The following ATXN2 variants were observed in gnomAD, a reference collection of about 807,000 sequenced individuals.
ATXN2 encodes ataxin 2, also known as ataxin-2.
A neutral mutation model predicts 138.6 loss-of-function variants in ATXN2; 37 were observed. That is an observed-to-expected ratio of 0.27 (90% confidence interval 0.21 to 0.35). The LOEUF (loss-of-function observed/expected upper bound fraction) is 0.35, where lower values mean the gene tolerates loss of function less well. Ranked by LOEUF, ATXN2 falls within the 10% of genes least tolerant of loss-of-function variation. ATXN2 has a pLI of 1.00. For missense variants in ATXN2, 1,216 were observed against 1,480.3 expected, an observed-to-expected ratio of 0.82 and a Z score of 2.93; for synonymous variants, 549 against 543.7, an observed-to-expected ratio of 1.01 and a Z score of -0.13.
At chr12:111,520,190 AC>A (rs1156860191) in intron 7 of ATXN2, 114 bp from the exon 8 acceptor site, 6 of 1,163,416 alleles carry the variant, frequency 5.2e-6, no homozygotes, top group Non-Finnish European at 7.1e-6. Context: ...AAAAACAGAA[AC>A]TAAAACTAAA....
At chr12:111,532,283 C>T (rs940794608) in intron 5 of ATXN2, among the ~76,000 whole-genome samples, 1 of 152,050 alleles carries the variant, frequency 6.6e-6, no homozygotes, top group Non-Finnish European at 1.5e-5. Flanking sequence ...AGTTGGTGAC[C>T]AGCCTGGCCA....
intron 18 of ATXN2, among the ~76,000 whole-genome samples, chr12:111,479,968 G>A (rs1454348027): frequency 1.6e-5 from 2 of 126,342 alleles, no homozygotes; most frequent in African/African-American, 6.0e-5. Context: ...GCAATATAAT[G>A]AGACGTCTCC....
chr12:111,457,539 G>C, intron 21 of ATXN2, 180 bp from the exon 22 acceptor site: 1 of 620,948 alleles, frequency 1.6e-6, no homozygotes, highest in Non-Finnish European at 2.6e-6. Context: ...TGTAGCTATT[G>C]CTTAACAGAC....
intron 18 of ATXN2, among the ~76,000 whole-genome samples, chr12:111,484,688 G>A (rs369576865): frequency 4.9e-4 from 75 of 151,764 alleles, no homozygotes; most frequent in Middle Eastern, 3.4e-3. Flanking sequence ...CACCCACCTC[G>A]GCCTCCCAAA....
chr12:111,461,096 C>T (rs1875545008), intron 21 of ATXN2: 2 of 152,110 alleles, frequency 1.3e-5, no homozygotes, highest in African/African-American at 4.8e-5. Context: ...GAAATATTTC[C>T]CTTTGTTTTT....
intron 1 of ATXN2, among the ~76,000 whole-genome samples, chr12:111,576,937 G>A (rs998871695): frequency 6.6e-5 from 10 of 151,750 alleles, no homozygotes; most frequent in Non-Finnish European, 1.3e-4. Flanking sequence ...CAGCCTGGGC[G>A]ACAGAGCGAG....
rs145765175 is a variant in ATXN2 at position 111,536,564 on chromosome 12, C to T, written c.572-11248G>A. Reference sequence around the variant, plus strand: ...GTAGGATTGTAAAATGATACAGCCACTATGCCCAGGAAATCAGCCTGTGCA... The same window carrying T: ...GTAGGATTGTAAAATGATACAGCCATTATGCCCAGGAAATCAGCCTGTGCA... On this transcript the variant is annotated intron_variant, in intron 5 of 24. Coordinates refer to ENST00000673436, the MANE Select transcript of ATXN2 (RefSeq NM_001372574.1). 4.5e-4 allele frequency among the ~76,000 whole-genome samples: 69 copies of T among 152,196 alleles called. No homozygotes were observed. The East Asian group carries it at 0.011, about 24-fold the overall frequency.
Position 111,598,949 on chromosome 12 carries a change from G to GGCTGCGGCGGCTGCTGCTGCTGCTGCT in ATXN2, c.85_86insAGCAGCAGCAGCAGCAGCCGCCGCAGC (p.Gln28_Pro29insGlnGlnGlnGlnGlnGlnProProGln). On this transcript the variant is annotated inframe_insertion, in exon 1 of 25. Transcript: ENST00000673436. This position sits in a 1 kb window ranked among gnomAD's most constrained non-coding sequence, Gnocchi z 4.5. The stretch of plus-strand genomic sequence containing the variant: ...GCGGACATTGGCAGCCGCGGGCGGC[G>GGCTGCGGCGGCTGCTGCTGCTGCTGCT]GCTGCTGCTGCTGCTGCTGCTGCTG... 8.2e-7 allele frequency: 1 copy of GGCTGCGGCGGCTGCTGCTGCTGCTGCT among 1,225,894 alleles called. No homozygotes were observed. Among genetic ancestry groups the GGCTGCGGCGGCTGCTGCTGCTGCTGCT allele is most frequent in the East Asian group, 3.4e-5 (1 of 29,744 alleles). The allele number at this position is 1,225,894 out of a possible 1,614,324, so 75.9% of individuals were successfully genotyped here. A position where few individuals can be genotyped will look rare whatever the true frequency, so the allele number is the denominator to read the frequency against.
chr12:111,479,163 T>C, intron 18 of ATXN2: 1 of 387,518 alleles, frequency 2.6e-6, no homozygotes. Context: ...TCATTCATAA[T>C]AGCCAAAAGC....
intron 1 of ATXN2, among the ~76,000 whole-genome samples, chr12:111,584,031 GT>G (rs1409847374): frequency 2.6e-5 from 4 of 151,484 alleles, no homozygotes; most frequent in African/African-American, 9.7e-5. Flanking sequence ...CTTTTACTGC[GT>G]TTCTCTGGCT....
intron 21 of ATXN2, among the ~76,000 whole-genome samples, chr12:111,462,023 G>T (rs1472766754): frequency 6.6e-6 from 1 of 151,916 alleles, no homozygotes; most frequent in Non-Finnish European, 1.5e-5. Context: ...AGTGGGTTCT[G>T]ACCCACACAT....
chr12:111,455,320 G>A (rs1240713684), intron 23 of ATXN2: 4 of 541,574 alleles, frequency 7.4e-6, no homozygotes, highest in African/African-American at 3.8e-5. Flanking sequence ...GCCCTGGAGT[G>A]CAGGGACCTT....
intron 1 of ATXN2, among the ~76,000 whole-genome samples, chr12:111,590,846 T>G (rs1219622973): frequency 1.3e-5 from 2 of 152,130 alleles, no homozygotes; most frequent in South Asian, 4.1e-4. Context: ...GTAGGTTGTA[T>G]GCTCTTTATG....
At chr12:111,485,161 CA>C (rs1877547679) in intron 18 of ATXN2, 103 bp downstream of exon 18, 17 of 1,091,718 alleles carry the variant, frequency 1.6e-5, no homozygotes, top group Non-Finnish European at 1.9e-5. Flanking sequence ...ATAGCCTCAT[CA>C]AAAAGTCAGA....
chr12:111,514,141 A>G (rs1398236432), intron 10 of ATXN2, among the ~76,000 whole-genome samples: 2 of 152,218 alleles, frequency 1.3e-5, no homozygotes, highest in Non-Finnish European at 2.9e-5. Flanking sequence ...TAAAACAGTA[A>G]GCAGTAACCT....
intron 1 of ATXN2, among the ~76,000 whole-genome samples, chr12:111,571,444 G>C (rs1883307884): frequency 6.6e-6 from 1 of 151,916 alleles, no homozygotes; most frequent in African/African-American, 2.4e-5. Flanking sequence ...TTAATTATTA[G>C]AATTAGTTTC....
At chr12:111,531,366 AG>A (rs1184478750) in intron 5 of ATXN2, among the ~76,000 whole-genome samples, 1 of 152,206 alleles carries the variant, frequency 6.6e-6, no homozygotes, top group Middle Eastern at 3.2e-3. Flanking sequence ...AGGGAGGCGG[AG>A]GTTGTAGTGA....
Position 111,453,561 on chromosome 12 carries a change from C to T in ATXN2, c.3439+116G>A, listed in dbSNP as rs1593088191. Reference sequence around the variant, plus strand: ...AGTCCCTCCTGTGCACACTCCTGGACGGGTCTTGCTAGTTCTCAAATGCGG... The same window carrying T: ...AGTCCCTCCTGTGCACACTCCTGGATGGGTCTTGCTAGTTCTCAAATGCGG... On this transcript the variant is annotated intron_variant, in intron 24 of 24. Transcript: ENST00000673436. This position sits in a 1 kb window ranked among gnomAD's most constrained non-coding sequence, Gnocchi z 5.4. The T allele has an allele frequency of 1.4e-6, 2 of 1,441,524 alleles. No homozygotes were observed. The highest frequency in any genetic ancestry group is 1.5e-5 in the South Asian group (1 of 67,166). 89.3% of individuals were successfully genotyped at this position (1,441,524 alleles called of 1,614,324 possible).
chr12:111,547,709 G>C (rs1027795327), intron 5 of ATXN2, among the ~76,000 whole-genome samples: 7 of 139,384 alleles, frequency 5.0e-5, no homozygotes, highest in African/African-American at 1.9e-4. Flanking sequence ...TGGGCGACAA[G>C]AGCAAAACTC....
Sources: gnomAD v4.1 joint callset for allele counts (sites outside exome capture counted in the v4.1 genomes callset) on GRCh38, gnomAD v4.1.1 for gene constraint, Gnocchi (gnomAD v3.1) non-coding constraint, MANE v1.5 for transcripts, NCBI Gene and HGNC (gene_info 2026-07-23, HGNC 2026-07-21) for gene names.